The following PPP2R2C variants were observed in gnomAD, a reference collection of about 807,000 sequenced individuals.
PPP2R2C encodes the protein protein phosphatase 2, regulatory subunit B, gamma.
Under a neutral mutation model 45.3 loss-of-function variants are expected in PPP2R2C, and 10 were observed. The ratio of observed to expected loss-of-function variants is 0.22; its 90% CI spans 0.14 to 0.37. The LOEUF is 0.37. Among genes scored for constraint, PPP2R2C ranks in the 10% least tolerant of loss-of-function variants. PPP2R2C has a pLI of 1.00. For missense variants in PPP2R2C, 308 were observed against 619.7 expected (o/e 0.50, Z 5.34); for synonymous variants, 257 against 245.4 (o/e 1.05, Z -0.44).
At chr4:6,533,323 G>A (rs953589939) in intron 2 of PPP2R2C, among the ~76,000 whole-genome samples, 26 of 152,168 alleles carry the variant, frequency 1.7e-4, no homozygotes, top group Admixed American at 1.7e-3. Flanking sequence ...CTAAACTGCA[G>A]AGCCTCCCAG....
chr4:6,408,351 G>C lies in PPP2R2C; in HGVS notation c.71-27257C>G, dbSNP rs140252026. On this transcript the variant is annotated intron_variant, in intron 1 of 8. Coordinates refer to ENST00000382599, the MANE Select transcript of PPP2R2C (RefSeq NM_020416.4). ...CCTTCCCTGGCGCCTAACTACCCCCGGTACAGGTTCTTCACTGCATGATCA... is the reference window on the plus strand; with the variant it reads ...CCTTCCCTGGCGCCTAACTACCCCCCGTACAGGTTCTTCACTGCATGATCA... 1.2e-3 allele frequency among the ~76,000 whole-genome samples: 190 copies of C among 152,190 alleles called. 1 individual carries two copies. In the East Asian group the frequency reaches 0.022, roughly 18 times the overall value.
chr4:6,458,551 G>T (rs1330325314), intron 1 of PPP2R2C, among the ~76,000 whole-genome samples: 1 of 152,128 alleles, frequency 6.6e-6, no homozygotes, highest in Non-Finnish European at 1.5e-5. Context: ...CTCACATTGG[G>T]GGTCTGGATT....
chr4:6,476,404 T>A (rs1304259914), upstream of PPP2R2C, among the ~76,000 whole-genome samples: 3 of 152,176 alleles, frequency 2.0e-5, no homozygotes, highest in Admixed American at 6.5e-5. Flanking sequence ...GGTGGGGCCC[T>A]CATAATGGGA....
At position 6,500,201 on chromosome 4, in the gene PPP2R2C, G is replaced by A. The variant is rs1206575427; in HGVS notation, c.49+35070C>T. 3.3e-5 allele frequency among the ~76,000 whole-genome samples: 5 copies of A among 152,208 alleles called. No homozygotes were observed. The East Asian group carries it at 9.6e-4, about 29-fold the overall frequency. On this transcript the variant is annotated intron_variant, in intron 2 of 9. Transcript: ENST00000506140. The stretch of plus-strand genomic sequence containing the variant: ...TCACTCTTGTTGCCCAGGCTGGAGT[G>A]TAATGGCGTGATCTCGGCTCACTGC...
chr4:6,447,499 G>T (rs1720487000), intron 1 of PPP2R2C, among the ~76,000 whole-genome samples: 1 of 151,968 alleles, frequency 6.6e-6, no homozygotes, highest in Admixed American at 6.6e-5. Context: ...CAAGGGCCCA[G>T]CGCCAGGTCT....
intron 2 of PPP2R2C, among the ~76,000 whole-genome samples, chr4:6,526,387 G>C (rs1344588797): frequency 6.6e-6 from 1 of 152,188 alleles, no homozygotes; most frequent in African/African-American, 2.4e-5. Flanking sequence ...AGCTCTCGGC[G>C]CTCAGTGTGT....
At chr4:6,485,323 T>C (rs1577216047) in intron 2 of PPP2R2C, among the ~76,000 whole-genome samples, 1 of 151,966 alleles carries the variant, frequency 6.6e-6, no homozygotes, top group South Asian at 2.1e-4. Context: ...TTTTAATTCA[T>C]GTACATGAGG....
At chr4:6,522,480 C>T (rs1422397570) in intron 2 of PPP2R2C, among the ~76,000 whole-genome samples, 1 of 152,266 alleles carries the variant, frequency 6.6e-6, no homozygotes, top group African/African-American at 2.4e-5. Context: ...TCCCAAGCAC[C>T]TGCTTCCAGA....
At chr4:6,472,759 G>A (rs1462760318), upstream of PPP2R2C, among the ~76,000 whole-genome samples, 1 of 151,930 alleles carries the variant, frequency 6.6e-6, no homozygotes, top group Non-Finnish European at 1.5e-5. Context: ...TGGGCACCTT[G>A]GTGCTGGGTG....
chr4:6,349,873 G>C (rs1031933231), intron 5 of PPP2R2C: 1 of 982,160 alleles, frequency 1.0e-6, no homozygotes, highest in African/African-American at 1.8e-5. Flanking sequence ...CCTGGTGACA[G>C]GGCAAGACTC....
rs566842340 is a variant in PPP2R2C at position 6,506,758 on chromosome 4, C to T, written c.49+28513G>A. On this transcript the variant is annotated intron_variant, in intron 2 of 9. Coordinates refer to the PPP2R2C transcript ENST00000506140. ...TTGGTGTTCCTCATGAAGTTGCAGA[C>T]AGCAGTGGGGGCTGCACTCATCTGA... 3.8e-4 allele frequency among the ~76,000 whole-genome samples: 58 copies of T among 152,308 alleles called. No homozygotes were observed. The South Asian group carries it at 0.012, about 30-fold the overall frequency.
chr4:6,509,942 C>G lies in PPP2R2C; in HGVS notation c.49+25329G>C, dbSNP rs563458025. On this transcript the variant is annotated intron_variant, in intron 2 of 9. Coordinates refer to the PPP2R2C transcript ENST00000506140. ...CCTTTCCTGCACCCTCCACGTGTAA[C>G]TGATTTGTTATTCTTGTCTATGTCA... Among the ~76,000 whole-genome samples, 61 of 152,334 alleles carry G rather than the reference C, an allele frequency of 4.0e-4. 1 individual carries two copies. Among genetic ancestry groups the G allele is most frequent in the African/African-American group, 1.3e-3 (53 of 41,576 alleles).
upstream of PPP2R2C, among the ~76,000 whole-genome samples, chr4:6,472,691 C>T (rs1577209429): frequency 6.6e-6 from 1 of 151,354 alleles, no homozygotes; most frequent in South Asian, 2.1e-4. Context: ...CCCCGCGGCC[C>T]TGCAGGTGGA....
Position 6,345,674 on chromosome 4 carries a change from G to A in PPP2R2C, c.790+2172C>T, listed in dbSNP as rs1711813572. On this transcript the variant is annotated intron_variant, in intron 6 of 8. Coordinates refer to ENST00000382599, the MANE Select transcript of PPP2R2C (RefSeq NM_020416.4). The surrounding 1 kb of genome is among the most constrained non-coding windows in gnomAD (Gnocchi z 5.3). ...ACGGTGCTCCCCAGAGCCTCCCGAA[G>A]GTACCAGCCCGTGGCACCTTCATTA... 6.6e-6 allele frequency among the ~76,000 whole-genome samples: 1 copy of A among 152,156 alleles called. No individual in the cohort carries two copies. The highest frequency in any genetic ancestry group is 2.4e-5 in the African/African-American group (1 of 41,428).
intron 1 of PPP2R2C, among the ~76,000 whole-genome samples, chr4:6,399,126 C>G (rs1202854951): frequency 6.6e-6 from 1 of 152,182 alleles, no homozygotes; most frequent in South Asian, 2.1e-4. Context: ...GAACAGGAAA[C>G]GTTTTGTGGG....
At chr4:6,438,075 C>T (rs1719979233) in intron 1 of PPP2R2C, among the ~76,000 whole-genome samples, 1 of 152,186 alleles carries the variant, frequency 6.6e-6, no homozygotes, top group Admixed American at 6.5e-5. Flanking sequence ...ATAAAACCTT[C>T]TCCTTCATGT....
At chr4:6,436,017 A>G (rs1274518511) in intron 1 of PPP2R2C, among the ~76,000 whole-genome samples, 2 of 152,212 alleles carry the variant, frequency 1.3e-5, no homozygotes, top group African/African-American at 4.8e-5. Context: ...TGGAGTGCTC[A>G]TGAATGGGAT....
At chr4:6,546,487 A>C (rs1260563151) in intron 1 of PPP2R2C, among the ~76,000 whole-genome samples, 1 of 152,182 alleles carries the variant, frequency 6.6e-6, no homozygotes, top group African/African-American at 2.4e-5. Context: ...GATGAGAAAA[A>C]ATCAAGGCTC....
In PPP2R2C at chr4:6,324,646, G is replaced by A. The variant is rs532555507; in HGVS notation, c.1053-1053C>T. Reference sequence around the variant, plus strand: ...ACAAACATGCATCGCCATGAGGGTCGGGGCGAGCAGTGCTGACGTGCAGGG... The same window carrying A: ...ACAAACATGCATCGCCATGAGGGTCAGGGCGAGCAGTGCTGACGTGCAGGG... On this transcript the variant is annotated intron_variant, in intron 8 of 8. Transcript: ENST00000382599. This position sits in a 1 kb window ranked among gnomAD's most constrained non-coding sequence, Gnocchi z 4.1. Among the ~76,000 whole-genome samples, 5 of 152,318 alleles carry A rather than the reference G, an allele frequency of 3.3e-5. No individual in the cohort carries two copies. The highest frequency in any genetic ancestry group is 7.2e-5 in the African/African-American group (3 of 41,578).
Sources: gnomAD v4.1 joint callset for allele counts (sites outside exome capture counted in the v4.1 genomes callset) on GRCh38, gnomAD v4.1.1 for gene constraint, Gnocchi (gnomAD v3.1) non-coding constraint, MANE v1.5 for transcripts, NCBI Gene and HGNC (gene_info 2026-07-23, HGNC 2026-07-21) for gene names.